IPCEF1: variants seen among roughly 807,000 people sequenced by gnomAD.
IPCEF1 encodes interactor protein for cytohesin exchange factors 1.
A neutral mutation model predicts 50.9 loss-of-function variants in IPCEF1; 31 were observed. The observed-to-expected ratio is 0.61, with a 90% confidence interval of 0.46 to 0.82. IPCEF1 has a LOEUF of 0.82. IPCEF1 is among the 40% of genes least tolerant of loss of function. The probability of loss-of-function intolerance (pLI) is 0.00; values close to 1 mark genes in which losing one functional copy is unlikely to be tolerated. For synonymous variants in IPCEF1, 181 were observed against 192.0 expected, an observed-to-expected ratio of 0.94 and a Z score of 0.47; for missense variants, 458 against 514.0, an observed-to-expected ratio of 0.89 and a Z score of 1.05.
chr6:154,229,627 A>C (rs1779567012), intron 5 of IPCEF1, among the ~76,000 whole-genome samples: 1 of 151,938 alleles, frequency 6.6e-6, no homozygotes, highest in African/African-American at 2.4e-5. Context: ...ATGTGCTGGG[A>C]TTACAGGCGT....
chr6:154,222,368 C>T (rs1778933694), intron 6 of IPCEF1, among the ~76,000 whole-genome samples: 1 of 152,178 alleles, frequency 6.6e-6, no homozygotes, highest in African/African-American at 2.4e-5. Flanking sequence ...AGTTTACTAA[C>T]CTTGTTAAAA....
At chr6:154,285,319 T>C (rs887420542) in intron 2 of IPCEF1, among the ~76,000 whole-genome samples, 4 of 152,180 alleles carry the variant, frequency 2.6e-5, no homozygotes, top group Non-Finnish European at 5.9e-5. Context: ...TTCTTTTCCC[T>C]TTTCCTCACT....
intron 1 of IPCEF1, among the ~76,000 whole-genome samples, chr6:154,351,875 C>T (rs571278260): frequency 8.3e-4 from 126 of 152,310 alleles, no homozygotes; most frequent in Non-Finnish European, 1.4e-3. Context: ...AGCAAACTAA[C>T]GCAGGAACAA....
chr6:154,327,059 T>C (rs1218812525), intron 1 of IPCEF1, among the ~76,000 whole-genome samples: 1 of 152,144 alleles, frequency 6.6e-6, no homozygotes, highest in East Asian at 1.9e-4. Context: ...TATACAAAAA[T>C]TAACTTAATA....
intron 10 of IPCEF1, among the ~76,000 whole-genome samples, chr6:154,173,129 C>A (rs1800013292): frequency 6.6e-6 from 1 of 152,180 alleles, no homozygotes; most frequent in Non-Finnish European, 1.5e-5. Flanking sequence ...TCAACATCAA[C>A]AAAAAGGAAG....
chr6:154,352,522 C>T (rs1784135167), intron 1 of IPCEF1, among the ~76,000 whole-genome samples: 1 of 152,218 alleles, frequency 6.6e-6, no homozygotes. Flanking sequence ...CACCTTTCAG[C>T]TGCTTCTATG....
intron 2 of IPCEF1, among the ~76,000 whole-genome samples, chr6:154,281,222 G>A (rs1029236828): frequency 4.7e-5 from 7 of 148,314 alleles, no homozygotes; most frequent in Admixed American, 1.3e-4. Context: ...GCATGGTGGT[G>A]TATGTCTGTA....
chr6:154,346,020 C>T (rs1396623142), intron 1 of IPCEF1, among the ~76,000 whole-genome samples: 3 of 152,020 alleles, frequency 2.0e-5, no homozygotes, highest in Non-Finnish European at 1.5e-5. Context: ...CATGTGCCAC[C>T]GCGCCTGGCT....
chr6:154,347,088 A>G lies in IPCEF1; in HGVS notation c.-62+9584T>C, dbSNP rs558746240. Among the ~76,000 whole-genome samples the G allele has an allele frequency of 1.1e-4, 16 of 152,272 alleles. No homozygotes were observed. In the South Asian group the frequency reaches 3.1e-3, roughly 30 times the overall value. ...AGGCAAATCTGGGCTGAGCACTCCT[A>G]AAATCATTATTCACCCAAACAGGCT... On this transcript the variant is annotated intron_variant, in intron 1 of 11. Transcript: ENST00000367220.
chr6:154,177,954 C>T (rs1006247407), intron 10 of IPCEF1, among the ~76,000 whole-genome samples: 4 of 152,138 alleles, frequency 2.6e-5, no homozygotes, highest in Admixed American at 2.0e-4. Context: ...GGATACTACG[C>T]AGCCATAAAA....
At chr6:154,234,272 T>C (rs191045538) in intron 5 of IPCEF1, among the ~76,000 whole-genome samples, 2 of 152,282 alleles carry the variant, frequency 1.3e-5, no homozygotes, top group East Asian at 1.9e-4. Flanking sequence ...CTGCGGTACA[T>C]GTTTTTCACA....
intron 8 of IPCEF1, 57 bp from the exon 9 acceptor site, chr6:154,212,912 T>C: frequency 8.4e-7 from 1 of 1,187,230 alleles, no homozygotes. Flanking sequence ...TATTCCATAA[T>C]GCATGAGCAG....
At chr6:154,296,646 A>G (rs547214607) in intron 1 of IPCEF1, among the ~76,000 whole-genome samples, 40 of 152,130 alleles carry the variant, frequency 2.6e-4, no homozygotes, top group East Asian at 7.7e-4. Flanking sequence ...TGGCTAACAC[A>G]GTGAAACCCC....
chr6:154,275,434 A>G (rs1782031858), intron 2 of IPCEF1, among the ~76,000 whole-genome samples: 1 of 152,192 alleles, frequency 6.6e-6, no homozygotes, highest in Admixed American at 6.5e-5. Context: ...TATCCCCCGA[A>G]TAACATCCGC....
intron 10 of IPCEF1, among the ~76,000 whole-genome samples, chr6:154,178,613 A>AT (rs1800560553): frequency 6.6e-6 from 1 of 152,208 alleles, no homozygotes; most frequent in South Asian, 2.1e-4. Flanking sequence ...TAACAAACAG[A>AT]TAAAGTGAAC....
At chr6:154,214,100 G>A (rs1778188951) in intron 8 of IPCEF1, 118 bp downstream of exon 8, 1 of 721,476 alleles carries the variant, frequency 1.4e-6, no homozygotes, top group Admixed American at 2.1e-5. Context: ...CATCTTAAAT[G>A]CCAAAGCATG....
intron 1 of IPCEF1, among the ~76,000 whole-genome samples, chr6:154,293,008 A>C (rs1052999291): frequency 6.6e-6 from 1 of 152,208 alleles, no homozygotes; most frequent in African/African-American, 2.4e-5. Context: ...AGTCATCTGT[A>C]TGTTTACAAA....
At chr6:154,206,550 G>T (rs1433263998) in intron 9 of IPCEF1, among the ~76,000 whole-genome samples, 1 of 151,996 alleles carries the variant, frequency 6.6e-6, no homozygotes, top group African/African-American at 2.4e-5. Flanking sequence ...AATAATTAGA[G>T]AAATAAACCA....
chr6:154,178,789 A>G (rs946642274), intron 10 of IPCEF1, among the ~76,000 whole-genome samples: 3 of 152,216 alleles, frequency 2.0e-5, no homozygotes, highest in African/African-American at 7.2e-5. Context: ...GAAATAATGA[A>G]AGGCAAATTA....
Sources: allele counts gnomAD v4.1 joint callset (sites outside exome capture counted in the v4.1 genomes callset), GRCh38; gene constraint gnomAD v4.1.1; transcripts MANE v1.5; gene names NCBI Gene and HGNC (gene_info 2026-07-23, HGNC 2026-07-21).